Variants in CNR2 observed in about 807,000 individuals in gnomAD.
The protein encoded by CNR2 is cannabinoid receptor 2.
For synonymous variants in CNR2, 172 were observed against 182.2 expected (o/e 0.94, Z 0.45); for missense variants, 379 against 439.9 (o/e 0.86, Z 1.24).
intron 1 of CNR2, among the ~76,000 whole-genome samples, chr1:23,900,237 C>G (rs80183477): frequency 0.011 from 1,633 of 152,192 alleles, 40 homozygotes; most frequent in African/African-American, 0.037. Context: ...AATCAGCACT[C>G]CTGGCTCACT....
rs539621903 is a variant in CNR2, at chr1:23,880,264, G to A, written c.-45-4602C>T. 1.3e-4 allele frequency among the ~76,000 whole-genome samples: 19 copies of A among 146,764 alleles called. 1 individual carries two copies. In the South Asian group the frequency reaches 3.6e-3, roughly 28 times the overall value. ...ACAATCTCGGCTCACTGCAACCTCC[G>A]CCTCCCAGGTTGAAGCCTTTCTCTT... On this transcript the variant is annotated intron_variant, in intron 1 of 1. Transcript: ENST00000374472.
chr1:23,894,287 G>A, intron 1 of CNR2, among the ~76,000 whole-genome samples: 1 of 151,942 alleles, frequency 6.6e-6, no homozygotes, highest in Non-Finnish European at 1.5e-5. Flanking sequence ...ACTGGGCGTT[G>A]TGGCTCGCCT....
chr1:23,887,874 C>T (rs987197195), intron 1 of CNR2, among the ~76,000 whole-genome samples: 21 of 151,758 alleles, frequency 1.4e-4, no homozygotes, highest in African/African-American at 3.6e-4. Flanking sequence ...AAAAATTAAC[C>T]GTCTGTCCCA....
intron 1 of CNR2, among the ~76,000 whole-genome samples, chr1:23,892,298 T>C (rs888397561): frequency 1.6e-4 from 24 of 152,110 alleles, no homozygotes; most frequent in African/African-American, 5.8e-4. Context: ...TCTAGTGATA[T>C]AGGTCCCAGG....
intron 1 of CNR2, among the ~76,000 whole-genome samples, chr1:23,887,262 G>A (rs904537647): frequency 6.6e-6 from 1 of 152,178 alleles, no homozygotes; most frequent in East Asian, 1.9e-4. Flanking sequence ...GGCTACTTCT[G>A]AAAGTTTCCA....
At chr1:23,883,411 T>C (rs1485146938) in intron 1 of CNR2, among the ~76,000 whole-genome samples, 1 of 152,230 alleles carries the variant, frequency 6.6e-6, no homozygotes, top group Non-Finnish European at 1.5e-5. Flanking sequence ...TTTGGCATTT[T>C]TGAAATAGAA....
rs78060824 is a variant in CNR2 at position 23,908,510 on chromosome 1, T to G, written c.-46+4736A>C. Among the ~76,000 whole-genome samples the G allele has an allele frequency of 9.1e-3, 1,389 of 152,260 alleles. 16 individuals carry two copies. The highest frequency in any genetic ancestry group is 0.033 in the African/African-American group (1,356 of 41,526). On this transcript the variant is annotated intron_variant, in intron 1 of 1. Transcript: ENST00000374472. ...AATTATTCACTAATTTTTAAAAAAA[T>G]GGAAACAGGCATCAAGACCTTCTAA...
At chr1:23,902,219 C>T (rs1406182839) in intron 1 of CNR2, 2 of 1,068,842 alleles carry the variant, frequency 1.9e-6, no homozygotes, top group Middle Eastern at 2.0e-4. Context: ...TGTTGAGGGC[C>T]TCCCGAGTGA....
In CNR2 at chr1:23,911,232, G is replaced by C. The variant is rs201256256; in HGVS notation, c.-46+2014C>G. On this transcript the variant is annotated intron_variant, in intron 1 of 1. Transcript: ENST00000374472. Reference sequence around the variant, plus strand: ...GAGAGGAGAGATTGTCCTTGGCTGGGAGGGGACCGAGGTCTTGGGCACCTA... The same window carrying C: ...GAGAGGAGAGATTGTCCTTGGCTGGCAGGGGACCGAGGTCTTGGGCACCTA... Among the ~76,000 whole-genome samples, 3 of 152,184 alleles carry C rather than the reference G, an allele frequency of 2.0e-5. No individual in the cohort carries two copies. The East Asian group carries it at 5.8e-4, about 29-fold the overall frequency.
chr1:23,883,642 C>T lies in CNR2; in HGVS notation c.-45-7980G>A, dbSNP rs930948254. Among the ~76,000 whole-genome samples, 3 of 152,016 alleles carry T rather than the reference C, an allele frequency of 2.0e-5. No individual in the cohort carries two copies. In the East Asian group the frequency reaches 5.8e-4, roughly 29 times the overall value. ...GAGCTCAAGACCAGCCTTGGCAACA[C>T]GGTGAAACCCTGTCTCTACTAAAAT... is the stretch of plus-strand genomic sequence containing the variant. On this transcript the variant is annotated intron_variant, in intron 1 of 1. Coordinates refer to ENST00000374472, the MANE Select transcript of CNR2 (RefSeq NM_001841.3).
chr1:23,898,335 CT>C (rs557452268), intron 1 of CNR2, among the ~76,000 whole-genome samples: 6 of 108,224 alleles, frequency 5.5e-5, no homozygotes, highest in African/African-American at 2.2e-4. Flanking sequence ...CCGCGCCCGG[CT>C]TTTTTTTTTT....
At chr1:23,891,884 T>C (rs1417757875) in intron 1 of CNR2, among the ~76,000 whole-genome samples, 1 of 152,128 alleles carries the variant, frequency 6.6e-6, no homozygotes, top group East Asian at 1.9e-4. Flanking sequence ...AGCACAATGG[T>C]ATCCCCACAG....
chr1:23,911,584 C>G (rs1291201894), intron 1 of CNR2, among the ~76,000 whole-genome samples: 1 of 152,096 alleles, frequency 6.6e-6, no homozygotes. Context: ...GGCTCAGGGT[C>G]CTATTGAATG....
At chr1:23,895,445 G>A (rs9424399) in intron 1 of CNR2, among the ~76,000 whole-genome samples, 121,335 of 152,048 alleles carry the variant, frequency 0.8, 48,565 homozygotes, top group Admixed American at 0.82. Context: ...ATTCAGAGGG[G>A]GCAAGTCCTT....
At chr1:23,880,973 TATTTAGAAATTA>T (rs2148459535) in intron 1 of CNR2, among the ~76,000 whole-genome samples, 1 of 151,336 alleles carries the variant, frequency 6.6e-6, no homozygotes, top group Non-Finnish European at 1.5e-5. Flanking sequence ...ACATAAAATT[TATTTAGAAATTA>T]ATAATTAAGG....
intron 1 of CNR2, among the ~76,000 whole-genome samples, chr1:23,883,792 T>C (rs1235079817): frequency 1.3e-5 from 2 of 151,964 alleles, no homozygotes; most frequent in African/African-American, 4.8e-5. Flanking sequence ...ACCACTGCAC[T>C]CCAGTCTGGG....
chr1:23,886,559 G>A (rs140252427), intron 1 of CNR2, among the ~76,000 whole-genome samples: 11 of 152,332 alleles, frequency 7.2e-5, no homozygotes, highest in South Asian at 2.1e-4. Context: ...GCCAGCCACC[G>A]CCACCCCCAA....
At chr1:23,905,717 G>A (rs1457738051) in intron 1 of CNR2, among the ~76,000 whole-genome samples, 2 of 152,112 alleles carry the variant, frequency 1.3e-5, no homozygotes, top group Non-Finnish European at 2.9e-5. Flanking sequence ...TGAGGACTCA[G>A]GCCACGGAGA....
chr1:23,906,507 C>CT (rs66559631), intron 1 of CNR2, among the ~76,000 whole-genome samples: 13,933 of 141,100 alleles, frequency 0.099, 2,243 homozygotes, highest in African/African-American at 0.34. Context: ...TTTTCTCTAA[C>CT]TTTTTTTTTT....
Sources: gnomAD v4.1 joint callset for allele counts (sites outside exome capture counted in the v4.1 genomes callset) on GRCh38, gnomAD v4.1.1 for gene constraint, MANE v1.5 for transcripts, NCBI Gene and HGNC (gene_info 2026-07-23, HGNC 2026-07-21) for gene names.